The following RBFOX1 variants were observed in gnomAD, a reference collection of about 807,000 sequenced individuals.
RBFOX1 encodes the protein RNA binding protein fox-1 homolog 1.
In RBFOX1, 8 loss-of-function variants were observed where a neutral mutation model predicts 57.7. The observed-to-expected ratio is 0.14, with a 90% CI of 0.08 to 0.25. The LOEUF (loss-of-function observed/expected upper bound fraction) is 0.25. Among genes scored for constraint, RBFOX1 ranks in the 10% least tolerant of loss-of-function variants. The pLI is 1.00. For synonymous variants in RBFOX1, 326 were observed against 222.4 expected (o/e 1.47, Z -4.15); for missense variants, 611 against 548.5 (o/e 1.11, Z -1.14).
intron 4 of RBFOX1, among the ~76,000 whole-genome samples, chr16:7,127,400 C>G (rs1000435644): frequency 1.3e-5 from 2 of 152,126 alleles, no homozygotes; most frequent in Admixed American, 1.3e-4. Context: ...TATTATCACC[C>G]TATGCACTTA....
intron 1 of RBFOX1, among the ~76,000 whole-genome samples, chr16:6,238,195 C>T (rs1016982698): frequency 3.3e-5 from 5 of 151,382 alleles, no homozygotes; most frequent in African/African-American, 4.9e-5. Flanking sequence ...AAAAATATTG[C>T]TATTACAGTG....
chr16:6,747,764 C>T (rs1158288606), intron 3 of RBFOX1, among the ~76,000 whole-genome samples: 2 of 152,078 alleles, frequency 1.3e-5, no homozygotes, highest in African/African-American at 4.8e-5. Flanking sequence ...AAAGAGATTC[C>T]TGGGAGTTGT....
chr16:5,290,331 C>T (rs1184607833), intron 1 of RBFOX1, among the ~76,000 whole-genome samples: 1 of 152,118 alleles, frequency 6.6e-6, no homozygotes, highest in African/African-American at 2.4e-5. Context: ...CACTGCACTC[C>T]AGCCTGTGAC....
At chr16:5,937,470 G>A (rs1262520427) in intron 4 of RBFOX1, among the ~76,000 whole-genome samples, 1 of 151,920 alleles carries the variant, frequency 6.6e-6, no homozygotes, top group Non-Finnish European at 1.5e-5. Flanking sequence ...AAAGCCCCTG[G>A]AATAAGCAGG....
At chr16:7,552,905 A>C (rs1282807053) in intron 5 of RBFOX1, among the ~76,000 whole-genome samples, 1 of 151,980 alleles carries the variant, frequency 6.6e-6, no homozygotes, top group African/African-American at 2.4e-5. Flanking sequence ...CTGGTCTCAA[A>C]CTGCCGACCT....
chr16:7,242,408 C>A (rs114844023), intron 4 of RBFOX1, among the ~76,000 whole-genome samples: 129 of 152,216 alleles, frequency 8.5e-4, no homozygotes, highest in Middle Eastern at 3.4e-3. Context: ...GAAACTAGAT[C>A]TCTCTGAGCT....
chr16:6,543,501 C>G (rs558068032), intron 2 of RBFOX1, among the ~76,000 whole-genome samples: 7 of 152,254 alleles, frequency 4.6e-5, no homozygotes, highest in African/African-American at 1.2e-4. Flanking sequence ...CTTGTTCCCT[C>G]TCTGAGATCT....
intron 3 of RBFOX1, among the ~76,000 whole-genome samples, chr16:6,855,260 G>T (rs561300537): frequency 1.3e-5 from 2 of 152,150 alleles, no homozygotes; most frequent in East Asian, 3.9e-4. Flanking sequence ...GGGAGGGAGA[G>T]GGGGAAGGAG....
chr16:6,102,996 C>G (rs1445864200), intron 1 of RBFOX1, among the ~76,000 whole-genome samples: 3 of 152,112 alleles, frequency 2.0e-5, no homozygotes, highest in Non-Finnish European at 4.4e-5. Context: ...TCTTGCAAGA[C>G]TTTCATAATT....
intron 12 of RBFOX1, among the ~76,000 whole-genome samples, chr16:7,662,797 T>C (rs1163424853): frequency 6.6e-6 from 1 of 152,232 alleles, no homozygotes. Context: ...GCAAGCATTA[T>C]CTTACGAAAC....
At chr16:6,487,727 ATATATATATATATATATATATAT>A (rs1481251276) in intron 2 of RBFOX1, among the ~76,000 whole-genome samples, 2,107 of 35,734 alleles carry the variant, frequency 0.059, 110 homozygotes, top group Admixed American at 0.078. Context: ...ATATATATAT[ATATATATATATATATATATATAT>A]ATATAAAATA....
At chr16:5,862,993 G>A (rs1233639296) in intron 3 of RBFOX1, among the ~76,000 whole-genome samples, 1 of 152,138 alleles carries the variant, frequency 6.6e-6, no homozygotes, top group East Asian at 1.9e-4. Context: ...GGAGTCCCAG[G>A]AGGGAATCCA....
intron 3 of RBFOX1, among the ~76,000 whole-genome samples, chr16:6,885,925 A>G (rs1370098557): frequency 2.0e-5 from 3 of 152,252 alleles, no homozygotes; most frequent in Non-Finnish European, 4.4e-5. Flanking sequence ...TATTAACCCA[A>G]TAATAAAATA....
intron 3 of RBFOX1, among the ~76,000 whole-genome samples, chr16:7,003,520 G>A (rs1324937250): frequency 6.6e-6 from 1 of 151,294 alleles, no homozygotes; most frequent in Non-Finnish European, 1.5e-5. Flanking sequence ...GTTAAATCCT[G>A]CTCTCAGGGA....
chr16:7,654,315 C>A (rs1008359262), intron 12 of RBFOX1, among the ~76,000 whole-genome samples: 1 of 152,142 alleles, frequency 6.6e-6, no homozygotes, highest in Non-Finnish European at 1.5e-5. Flanking sequence ...TGAATTCCTC[C>A]ACAGAAAGAA....
chr16:5,936,850 G>C (rs1288947384), intron 4 of RBFOX1, among the ~76,000 whole-genome samples: 10 of 152,204 alleles, frequency 6.6e-5, no homozygotes, highest in Non-Finnish European at 1.5e-4. Context: ...CAGAAAGCCA[G>C]CCATCTGGGT....
chr16:6,177,069 C>G (rs1348835770), intron 1 of RBFOX1, among the ~76,000 whole-genome samples: 1 of 152,006 alleles, frequency 6.6e-6, no homozygotes, highest in Non-Finnish European at 1.5e-5. Flanking sequence ...ACGTAATAGT[C>G]ATTTAAAAAA....
chr16:6,710,795 C>T (rs997289051), intron 3 of RBFOX1, among the ~76,000 whole-genome samples: 1 of 152,166 alleles, frequency 6.6e-6, no homozygotes, highest in African/African-American at 2.4e-5. Flanking sequence ...TTTGTGACCT[C>T]AGGAAATGAG....
chr16:5,456,613 A>G (rs1314925744), intron 1 of RBFOX1, among the ~76,000 whole-genome samples: 2 of 152,196 alleles, frequency 1.3e-5, no homozygotes, highest in African/African-American at 2.4e-5. Context: ...TGCCACACAC[A>G]GTCACCAAGA....
Sources: gnomAD v4.1 joint callset for allele counts (sites outside exome capture counted in the v4.1 genomes callset) on GRCh38, gnomAD v4.1.1 for gene constraint, MANE v1.5 for transcripts, NCBI Gene and HGNC (gene_info 2026-07-23, HGNC 2026-07-21) for gene names.